Variants in GLIPR1L2 observed in about 807,000 individuals in gnomAD.
The protein encoded by GLIPR1L2 is GLIPR1 like 2, also known as GLIPR1-like protein 2.
Under a neutral mutation model 28.4 loss-of-function variants are expected in GLIPR1L2, and 21 were observed. That is an observed-to-expected ratio of 0.74 (90% CI 0.52 to 1.06). The LOEUF (loss-of-function observed/expected upper bound fraction) is 1.06. Among genes scored for constraint, GLIPR1L2 ranks in the 50% least tolerant of loss-of-function variants. The pLI is 0.00. For synonymous variants in GLIPR1L2, 145 were observed against 139.3 expected, an observed-to-expected ratio of 1.04 and a Z score of -0.29; for missense variants, 476 against 416.9, an observed-to-expected ratio of 1.14 and a Z score of -1.23.
At chr12:75,401,910 A>C (rs567266975) in intron 1 of GLIPR1L2, among the ~76,000 whole-genome samples, 1 of 152,284 alleles carries the variant, frequency 6.6e-6, no homozygotes, top group Admixed American at 6.5e-5. Flanking sequence ...TTCAAAGAAA[A>C]GAAACAAAGA....
At chr12:75,393,778 T>C (rs930822085) in intron 1 of GLIPR1L2, among the ~76,000 whole-genome samples, 1 of 152,124 alleles carries the variant, frequency 6.6e-6, no homozygotes, top group Non-Finnish European at 1.5e-5. Context: ...AATTGCTGTA[T>C]CATATGATAA....
At chr12:75,424,714 A>G (rs529766840) in intron 4 of GLIPR1L2, among the ~76,000 whole-genome samples, 19 of 152,068 alleles carry the variant, frequency 1.2e-4, no homozygotes, top group Admixed American at 9.8e-4. Context: ...CCTCCCAAAT[A>G]TATTATGTTT....
At chr12:75,405,989 G>T (rs1223477258) in intron 1 of GLIPR1L2, among the ~76,000 whole-genome samples, 2 of 145,960 alleles carry the variant, frequency 1.4e-5, no homozygotes, top group African/African-American at 2.5e-5. Flanking sequence ...ATAAGAAATT[G>T]TCAAAAGTTT....
intron 1 of GLIPR1L2, among the ~76,000 whole-genome samples, chr12:75,404,212 G>C (rs117557615): frequency 0.01 from 1,551 of 152,142 alleles, 20 homozygotes; most frequent in Non-Finnish European, 0.014. Context: ...CTCTCTCTGT[G>C]TGTGTATACA....
At chr12:75,408,080 C>A (rs563343911) in intron 1 of GLIPR1L2, among the ~76,000 whole-genome samples, 16 of 152,134 alleles carry the variant, frequency 1.1e-4, no homozygotes, top group African/African-American at 3.6e-4. Context: ...AGTATGGATT[C>A]AGCTTTTCTA....
At chr12:75,422,793 T>A (rs1476258608) in intron 3 of GLIPR1L2, 111 bp from the exon 4 acceptor site, 5 of 832,900 alleles carry the variant, frequency 6.0e-6, no homozygotes, top group Admixed American at 2.8e-5. Flanking sequence ...TAAGTCCAGT[T>A]TCTTAACCCG....
Position 75,431,007 on chromosome 12 carries a change from C to G in GLIPR1L2, c.881C>G (p.Ser294Cys). 1.3e-6 allele frequency: 2 copies of G among 1,533,006 alleles called. No homozygotes were observed. Among genetic ancestry groups the G allele is most frequent in the Non-Finnish European group, 1.7e-6 (2 of 1,145,404 alleles). 95.0% of individuals were successfully genotyped at this position (1,533,006 alleles called of 1,614,324 possible). ...CAAATGATATTTACCCCTGAGGAAT[C>G]TGAAGCAGGGAATGAAGAGGAGGAA... ...EQQMIFTPEE[S>C]EAGNEEEEKE... The change falls in exon 6 of 6, where the codon TCT (serine) becomes TGT (cysteine). Residue 294 changes from serine (S) to cysteine (C), a missense_variant. Coordinates refer to ENST00000550916, the MANE Select transcript of GLIPR1L2 (RefSeq NM_001270396.2).
chr12:75,415,923 G>T (rs960002764), intron 3 of GLIPR1L2, among the ~76,000 whole-genome samples: 3 of 151,842 alleles, frequency 2.0e-5, no homozygotes. Context: ...TTTAAGGTCA[G>T]TGGTGCCTTA....
chr12:75,415,672 T>C (rs2045916561), intron 3 of GLIPR1L2, among the ~76,000 whole-genome samples: 1 of 152,098 alleles, frequency 6.6e-6, no homozygotes, highest in Non-Finnish European at 1.5e-5. Flanking sequence ...TTTAGCTCTG[T>C]ATGGTGATGG....
Position 75,431,043 on chromosome 12 carries a change from A to G in GLIPR1L2, c.917A>G (p.Glu306Gly). ...AATGAAGAGGAGGAAAAAGAGGAAG[A>G]GAAGAAAGAGAAAGAGGAAATGGAA... is the stretch of plus-strand genomic sequence containing the variant. Reference protein sequence around the residue: ...AGNEEEEKEEEKKEKEEMEME... With the variant: ...AGNEEEEKEEGKKEKEEMEME... Residue 306 changes from glutamate to glycine, a missense_variant, in exon 6 of 6, where the codon GAG becomes GGG. Transcript: ENST00000550916. The G allele has an allele frequency of 6.7e-7, 1 of 1,488,716 alleles. No individual in the cohort carries two copies. Among genetic ancestry groups the G allele is most frequent in the Non-Finnish European group, 9.1e-7 (1 of 1,103,898 alleles). The allele number at this position is 1,488,716 out of a possible 1,614,324, so 92.2% of individuals were successfully genotyped here.
intron 1 of GLIPR1L2, among the ~76,000 whole-genome samples, chr12:75,394,587 A>C (rs1463090793): frequency 1.3e-5 from 2 of 151,860 alleles, no homozygotes; most frequent in African/African-American, 2.4e-5. Flanking sequence ...CCATTCTGTT[A>C]GTCTAATATG....
chr12:75,421,691 A>G (rs1267190758), intron 3 of GLIPR1L2, among the ~76,000 whole-genome samples: 1 of 151,924 alleles, frequency 6.6e-6, no homozygotes, highest in Non-Finnish European at 1.5e-5. Context: ...CTTTTTTCTC[A>G]TTTAGCTGTA....
intron 1 of GLIPR1L2, among the ~76,000 whole-genome samples, chr12:75,406,445 A>G (rs1362431212): frequency 6.6e-6 from 1 of 152,108 alleles, no homozygotes; most frequent in Non-Finnish European, 1.5e-5. Flanking sequence ...GTTAAATTGC[A>G]TGAAATGCAT....
At chr12:75,425,139 A>C (rs137995925) in intron 4 of GLIPR1L2, among the ~76,000 whole-genome samples, 38 of 152,218 alleles carry the variant, frequency 2.5e-4, no homozygotes, top group Non-Finnish European at 4.3e-4. Context: ...GAGCAGAATA[A>C]AAAGATGTCC....
At chr12:75,421,426 T>C (rs1265621734) in intron 3 of GLIPR1L2, among the ~76,000 whole-genome samples, 1 of 152,232 alleles carries the variant, frequency 6.6e-6, no homozygotes, top group Admixed American at 6.5e-5. Context: ...ATCTGAGAAA[T>C]GTGATACTCA....
chr12:75,414,957 T>C (rs2045909858), intron 3 of GLIPR1L2, among the ~76,000 whole-genome samples: 1 of 152,010 alleles, frequency 6.6e-6, no homozygotes, highest in South Asian at 2.1e-4. Flanking sequence ...TAAAATATAC[T>C]GTAAAAAGCA....
At chr12:75,391,456 G>A in intron 1 of GLIPR1L2, 106 bp downstream of exon 1, 1 of 1,583,658 alleles carries the variant, frequency 6.3e-7, no homozygotes, top group Non-Finnish European at 8.6e-7. Flanking sequence ...GGATCGCGGA[G>A]AACCGCACTT....
chr12:75,404,013 C>T (rs554789066), intron 1 of GLIPR1L2, among the ~76,000 whole-genome samples: 1 of 152,244 alleles, frequency 6.6e-6, no homozygotes, highest in South Asian at 2.1e-4. Context: ...CAAAGAAAGC[C>T]TTAAAGGCTT....
intron 4 of GLIPR1L2, chr12:75,423,650 A>C (rs538931952): frequency 5.1e-6 from 1 of 197,156 alleles, no homozygotes; most frequent in Non-Finnish European, 9.2e-6. Context: ...TATACATGCC[A>C]TGGTGGTTTG....
Sources: allele counts gnomAD v4.1 joint callset (sites outside exome capture counted in the v4.1 genomes callset), GRCh38; gene constraint gnomAD v4.1.1; transcripts MANE v1.5; gene names NCBI Gene and HGNC (gene_info 2026-07-23, HGNC 2026-07-21).